The following GRIK3 variants were observed in gnomAD, a reference collection of about 807,000 sequenced individuals.
GRIK3 encodes glutamate receptor ionotropic, kainate 3.
Under a neutral mutation model 102.5 loss-of-function variants are expected in GRIK3, and 29 were observed. The observed-to-expected ratio is 0.28, with a 90% CI of 0.21 to 0.39. The LOEUF (loss-of-function observed/expected upper bound fraction) is 0.39. Among genes scored for constraint, GRIK3 ranks in the 10% least tolerant of loss-of-function variants. The pLI is 1.00. For missense variants in GRIK3, 908 were observed against 1,252.4 expected (o/e 0.73, Z 4.15); for synonymous variants, 511 against 504.9 (o/e 1.01, Z -0.16).
At chr1:36,927,861 C>T (rs888886063) in intron 1 of GRIK3, among the ~76,000 whole-genome samples, 3 of 151,846 alleles carry the variant, frequency 2.0e-5, no homozygotes, top group African/African-American at 7.3e-5. Context: ...TAATTGGAGA[C>T]CCGGAGCCCC....
chr1:36,992,523 T>C (rs1347066486), intron 1 of GRIK3, among the ~76,000 whole-genome samples: 1 of 152,020 alleles, frequency 6.6e-6, no homozygotes, highest in African/African-American at 2.4e-5. Flanking sequence ...CAGTGAAAGA[T>C]GGGGCCAGCC....
chr1:36,841,783 C>T lies in GRIK3; in HGVS notation c.1483G>A (p.Asp495Asn). 6.2e-7 allele frequency: 1 copy of T among 1,614,234 alleles called. No individual in the cohort carries two copies. Among genetic ancestry groups the T allele is most frequent in the Non-Finnish European group, 8.5e-7 (1 of 1,180,046 alleles). Residue 495 changes from aspartate to asparagine, a missense_variant, in exon 10 of 16, where the codon GAT becomes AAT. By Grantham distance (23) the Asp-to-Asn change is conservative. Transcript: ENST00000373091. ...ATGCCGTTCCACTGGCCCTTGTCATCCTGTGCCCCGTACTTGCCGTCCTCC... is the reference window on the plus strand; with the variant it reads ...ATGCCGTTCCACTGGCCCTTGTCATTCTGTGCCCCGTACTTGCCGTCCTCC... ...LVEDGKYGAQ[D>N]DKGQWNGMVK... is the part of the protein sequence containing the mutation.
At chr1:36,978,110 T>C (rs947880452) in intron 1 of GRIK3, among the ~76,000 whole-genome samples, 2 of 152,276 alleles carry the variant, frequency 1.3e-5, no homozygotes, top group Non-Finnish European at 2.9e-5. Flanking sequence ...TTAAGTATGT[T>C]CATTGACACA....
At chr1:36,943,685 T>C (rs1641751363) in intron 1 of GRIK3, among the ~76,000 whole-genome samples, 1 of 152,146 alleles carries the variant, frequency 6.6e-6, no homozygotes, top group African/African-American at 2.4e-5. Context: ...AATGAACGAA[T>C]AGTAGCAGAA....
At chr1:36,985,455 T>C (rs1386351243) in intron 1 of GRIK3, among the ~76,000 whole-genome samples, 1 of 152,136 alleles carries the variant, frequency 6.6e-6, no homozygotes, top group Non-Finnish European at 1.5e-5. Flanking sequence ...CAGCATGATC[T>C]TCATGGAGCT....
At chr1:36,889,759 T>C (rs1219201861) in intron 2 of GRIK3, among the ~76,000 whole-genome samples, 1 of 152,054 alleles carries the variant, frequency 6.6e-6, no homozygotes, top group Non-Finnish European at 1.5e-5. Flanking sequence ...GAATCACAGG[T>C]GTACCACTAG....
chr1:36,934,611 A>T (rs967390121), intron 1 of GRIK3, among the ~76,000 whole-genome samples: 2 of 152,164 alleles, frequency 1.3e-5, no homozygotes, highest in Non-Finnish European at 2.9e-5. Flanking sequence ...CATGACTCTT[A>T]TTACAAATAG....
intron 1 of GRIK3, among the ~76,000 whole-genome samples, chr1:36,905,266 C>T (rs1361767468): frequency 6.6e-6 from 1 of 152,194 alleles, no homozygotes; most frequent in Admixed American, 6.5e-5. Context: ...ACATAACTTA[C>T]TCCTTGGAAG....
At chr1:36,862,192 C>G (rs1271566429) in intron 5 of GRIK3, among the ~76,000 whole-genome samples, 1 of 152,136 alleles carries the variant, frequency 6.6e-6, no homozygotes, top group Non-Finnish European at 1.5e-5. Flanking sequence ...AGCATTTCTT[C>G]CCAACTCTGC....
intron 1 of GRIK3, among the ~76,000 whole-genome samples, chr1:36,975,215 A>G (rs956626703): frequency 2.6e-5 from 4 of 151,906 alleles, no homozygotes; most frequent in Admixed American, 2.6e-4. Context: ...TAAATAGCAC[A>G]TTGGGACTCA....
chr1:36,849,581 A>G (rs1012057153), intron 9 of GRIK3: 6 of 152,316 alleles, frequency 3.9e-5, no homozygotes, highest in African/African-American at 1.4e-4. Flanking sequence ...TGTGTCCCTG[A>G]GAGGATCTGT....
intron 2 of GRIK3, among the ~76,000 whole-genome samples, chr1:36,881,609 C>T (rs1640977703): frequency 6.6e-6 from 1 of 152,182 alleles, no homozygotes; most frequent in South Asian, 2.1e-4. Context: ...CGACTCCCAT[C>T]CTGGTCCAAG....
intron 1 of GRIK3, among the ~76,000 whole-genome samples, chr1:36,956,071 G>T (rs921383165): frequency 6.6e-6 from 1 of 152,246 alleles, no homozygotes; most frequent in African/African-American, 2.4e-5. Context: ...GTGGCTCAGT[G>T]GGGGAGGAGT....
In GRIK3 at chr1:36,924,884, C is replaced by T. The variant is rs76990756; in HGVS notation, c.116-33788G>A. Among the ~76,000 whole-genome samples the T allele has an allele frequency of 2.2e-4, 33 of 152,254 alleles. No individual in the cohort carries two copies. The East Asian group carries it at 5.8e-3, about 27-fold the overall frequency. On this transcript the variant is annotated intron_variant, in intron 1 of 15. Coordinates refer to ENST00000373091, the MANE Select transcript of GRIK3 (RefSeq NM_000831.4). ...ATCTGCACAGACTTACTCTCAACAC[C>T]CACAGAGACCCAGACACACACAGAC...
At chr1:37,029,019 C>T (rs1405020765) in intron 1 of GRIK3, among the ~76,000 whole-genome samples, 1 of 152,200 alleles carries the variant, frequency 6.6e-6, no homozygotes, top group African/African-American at 2.4e-5. Flanking sequence ...ATTGTTGTTT[C>T]ATTATTTTGA....
chr1:36,811,467 G>T (rs1347799345), intron 13 of GRIK3, among the ~76,000 whole-genome samples: 1 of 152,120 alleles, frequency 6.6e-6, no homozygotes, highest in Non-Finnish European at 1.5e-5. Flanking sequence ...TCCAAATCAC[G>T]TCTATGGGCT....
intron 1 of GRIK3, among the ~76,000 whole-genome samples, chr1:36,993,907 T>A (rs1395735274): frequency 6.6e-6 from 1 of 152,216 alleles, no homozygotes; most frequent in Non-Finnish European, 1.5e-5. Context: ...GAGGCCTTTT[T>A]TATGACTGCA....
intron 1 of GRIK3, among the ~76,000 whole-genome samples, chr1:36,941,522 GCTCT>G (rs1431033753): frequency 6.6e-6 from 1 of 152,084 alleles, no homozygotes; most frequent in African/African-American, 2.4e-5. Context: ...ATGCTGGCTG[GCTCT>G]CTCTTTCTCT....
chr1:36,972,176 G>A (rs1404453458), intron 1 of GRIK3, among the ~76,000 whole-genome samples: 1 of 152,208 alleles, frequency 6.6e-6, no homozygotes, highest in South Asian at 2.1e-4. Context: ...GCATCCCAAT[G>A]AGGCTGTGAT....
Sources: allele counts gnomAD v4.1 joint callset (sites outside exome capture counted in the v4.1 genomes callset), GRCh38; gene constraint gnomAD v4.1.1; transcripts MANE v1.5; gene names NCBI Gene and HGNC (gene_info 2026-07-23, HGNC 2026-07-21).